Variants in ARMC10 observed in about 807,000 individuals in gnomAD.
The protein encoded by ARMC10 is armadillo repeat containing 10.
A neutral mutation model predicts 30.2 loss-of-function variants in ARMC10; 23 were observed. The observed-to-expected ratio is 0.76, with a 90% confidence interval of 0.55 to 1.08. The LOEUF (loss-of-function observed/expected upper bound fraction) is 1.08. Ranked by LOEUF, ARMC10 falls within the 50% of genes least tolerant of loss-of-function variation. The pLI, the probability that ARMC10 is intolerant of heterozygous loss-of-function variation, is 0.00. For missense variants in ARMC10, 303 were observed against 413.7 expected (o/e 0.73, Z 2.32); for synonymous variants, 111 against 164.4 (o/e 0.68, Z 2.48).
At chr7:103,093,580 T>C (rs965620688) in intron 5 of ARMC10, among the ~76,000 whole-genome samples, 1 of 152,230 alleles carries the variant, frequency 6.6e-6, no homozygotes, top group African/African-American at 2.4e-5. Flanking sequence ...TCTAGCAATA[T>C]TGCACCATTC....
chr7:103,077,034 C>T (rs539153967), intron 2 of ARMC10, among the ~76,000 whole-genome samples: 1 of 152,250 alleles, frequency 6.6e-6, no homozygotes, highest in East Asian at 1.9e-4. Flanking sequence ...GTAACTAGGA[C>T]TACAGGTGCA....
At chr7:103,083,312 A>G (rs1800551188) in intron 2 of ARMC10, among the ~76,000 whole-genome samples, 1 of 152,170 alleles carries the variant, frequency 6.6e-6, no homozygotes, top group Admixed American at 6.5e-5. Flanking sequence ...TGTATTCGAT[A>G]TTGTTTTAAA....
chr7:103,075,623 T>C (rs1393182996), intron 1 of ARMC10, among the ~76,000 whole-genome samples, 154 bp from the exon 2 acceptor site: 7 of 152,246 alleles, frequency 4.6e-5, no homozygotes, highest in South Asian at 2.1e-4. Context: ...CTGCCTGAGC[T>C]CCGCGTCACA....
chr7:103,084,715 C>G (rs1416988649), intron 3 of ARMC10, among the ~76,000 whole-genome samples: 1 of 152,170 alleles, frequency 6.6e-6, no homozygotes, highest in Non-Finnish European at 1.5e-5. Flanking sequence ...TATGGCCGCT[C>G]AATTTTATGT....
chr7:103,075,583 A>C (rs961301745), intron 1 of ARMC10, among the ~76,000 whole-genome samples, 172 bp downstream of exon 1: 11 of 152,230 alleles, frequency 7.2e-5, no homozygotes, highest in Admixed American at 6.5e-5. Context: ...TTTGCTGACT[A>C]TACTGGTATG....
intron 2 of ARMC10, chr7:103,081,787 T>A: frequency 2.4e-6 from 1 of 418,026 alleles, no homozygotes; most frequent in South Asian, 1.7e-5. Context: ...TGTGCACGTG[T>A]ATGTATGCAT....
chr7:103,090,484 C>T (rs891929787), intron 4 of ARMC10, among the ~76,000 whole-genome samples: 1 of 152,016 alleles, frequency 6.6e-6, no homozygotes, highest in African/African-American at 2.4e-5. Flanking sequence ...CATAGTGAGA[C>T]CCCATTTCTT....
At chr7:103,097,474 G>T in intron 6 of ARMC10, 126 bp downstream of exon 6, 2 of 595,516 alleles carry the variant, frequency 3.4e-6, no homozygotes, top group Non-Finnish European at 5.2e-6. Flanking sequence ...ATTAAAGGTG[G>T]TTTTTTAAAT....
chr7:103,096,530 G>C (rs1162639648), intron 5 of ARMC10: 3 of 152,118 alleles, frequency 2.0e-5, no homozygotes, highest in African/African-American at 7.2e-5. Flanking sequence ...AGCTTTGAGA[G>C]ATTTTTTTGT....
chr7:103,097,117 T>C, intron 5 of ARMC10, 160 bp from the exon 6 acceptor site: 1 of 640,728 alleles, frequency 1.6e-6, no homozygotes, highest in Non-Finnish European at 2.8e-6. Flanking sequence ...ACCTTTAAAG[T>C]AGAATGAACG....
At chr7:103,077,223 G>A (rs1164223518) in intron 2 of ARMC10, among the ~76,000 whole-genome samples, 1 of 152,014 alleles carries the variant, frequency 6.6e-6, no homozygotes, top group Non-Finnish European at 1.5e-5. Context: ...GTTTGCACGA[G>A]GGAATGCTTT....
chr7:103,075,951 C>A, intron 2 of ARMC10, 70 bp downstream of exon 2: 1 of 1,196,660 alleles, frequency 8.4e-7, no homozygotes, highest in South Asian at 1.6e-5. Context: ...ATGCATGATT[C>A]GGTTTCTGTC....
intron 4 of ARMC10, among the ~76,000 whole-genome samples, chr7:103,091,833 C>T (rs934596705): frequency 2.0e-4 from 31 of 152,320 alleles, no homozygotes; most frequent in African/African-American, 7.2e-4. Context: ...GCATCCCCAC[C>T]TGCTGTCTGA....
chr7:103,078,663 T>C (rs1772802784), intron 2 of ARMC10, among the ~76,000 whole-genome samples: 1 of 152,172 alleles, frequency 6.6e-6, no homozygotes, highest in South Asian at 2.1e-4. Context: ...GTTTTTTGTT[T>C]GTTTTGTTTT....
intron 5 of ARMC10, chr7:103,096,594 G>T (rs1211176217): frequency 1.3e-5 from 2 of 152,332 alleles, no homozygotes; most frequent in East Asian, 3.9e-4. Context: ...GGTGAAGATG[G>T]GGTCTAAGGG....
chr7:103,091,169 C>G (rs1422440482), intron 4 of ARMC10, among the ~76,000 whole-genome samples: 1 of 152,062 alleles, frequency 6.6e-6, no homozygotes, highest in Non-Finnish European at 1.5e-5. Flanking sequence ...TGGTGCACAC[C>G]TGTAATCTCA....
intron 2 of ARMC10, among the ~76,000 whole-genome samples, chr7:103,081,388 A>C (rs573254557): frequency 6.6e-6 from 1 of 152,366 alleles, no homozygotes; most frequent in African/African-American, 2.4e-5. Context: ...AAACAAAAAC[A>C]AAAACAAGGT....
Position 103,092,625 on chromosome 7 carries a change from T to C in ARMC10, c.677T>C (p.Val226Ala). Residue 226 changes from valine (V) to alanine (A), a missense_variant, in exon 5 of 7, where the codon GTG (valine) becomes GCG (alanine). By Grantham distance (64) the Val-to-Ala change is moderately conservative. Transcript: ENST00000323716. ...AGTTACATTACAGACCTGTTCCAGGTGTTACTTACTGGAAATGGAAACACG... is the reference window on the plus strand; with the variant it reads ...AGTTACATTACAGACCTGTTCCAGGCGTTACTTACTGGAAATGGAAACACG... ...LHSYITDLFQ[V>A]LLTGNGNTKV... 2.5e-6 allele frequency: 4 copies of C among 1,578,834 alleles called. No individual in the cohort carries two copies. The highest frequency in any genetic ancestry group is 3.5e-6 in the Non-Finnish European group (4 of 1,152,152).
Position 103,099,259 on chromosome 7 carries a change from T to C in ARMC10, c.*706T>C, listed in dbSNP as rs1007959317. The stretch of plus-strand genomic sequence containing the variant: ...GCTGAGGCGGGCAGATCACCTGAGA[T>C]CGGGAGTTTGAGACCAAGCCTGACC... On this transcript the variant is annotated 3_prime_UTR_variant, in exon 7 of 7. Transcript: ENST00000323716. The C allele has an allele frequency of 1.4e-5, 2 of 147,496 alleles. No homozygotes were observed. Among genetic ancestry groups the C allele is most frequent in the African/African-American group, 4.9e-5 (2 of 40,416 alleles). The allele number at this position is 147,496 out of a possible 1,614,324, so 9.1% of individuals were successfully genotyped here.
Sources: gnomAD v4.1 joint callset for allele counts (sites outside exome capture counted in the v4.1 genomes callset) on GRCh38, gnomAD v4.1.1 for gene constraint, MANE v1.5 for transcripts, NCBI Gene and HGNC (gene_info 2026-07-23, HGNC 2026-07-21) for gene names.